PCDHGA9: variants seen among roughly 807,000 people sequenced by gnomAD.
PCDHGA9 encodes the protein protocadherin gamma-A9.
A neutral mutation model predicts 62.5 loss-of-function variants in PCDHGA9; 37 were observed. That is an observed-to-expected ratio of 0.59 (90% CI 0.46 to 0.78). The LOEUF (loss-of-function observed/expected upper bound fraction) is 0.78, where lower values mean the gene tolerates loss of function less well. Ranked by LOEUF, PCDHGA9 falls within the 30% of genes least tolerant of loss-of-function variation. PCDHGA9 has a pLI of 0.00. For missense variants in PCDHGA9, 1,138 were observed against 1,166.2 expected (o/e 0.98, Z 0.35); for synonymous variants, 459 against 484.6 (o/e 0.95, Z 0.69).
In PCDHGA9 at chr5:141,453,631, T is replaced by C. The variant is rs114710858; in HGVS notation, c.2425-41176T>C. On this transcript the variant is annotated intron_variant, in intron 1 of 3. Transcript: ENST00000573521. ...AACGCAAAAACAAAACCTATACATATTTATATTTTCTTATGTCCTCTTCTT... is the reference window on the plus strand; with the variant it reads ...AACGCAAAAACAAAACCTATACATACTTATATTTTCTTATGTCCTCTTCTT... Among the ~76,000 whole-genome samples the C allele has an allele frequency of 8.2e-3, 1,249 of 152,332 alleles. 7 individuals are homozygous for C. Among genetic ancestry groups the C allele is most frequent in the Non-Finnish European group, 0.013 (893 of 68,030 alleles).
At chr5:141,410,767 G>T in intron 1 of PCDHGA9, 6 of 942,270 alleles carry the variant, frequency 6.4e-6, no homozygotes, top group South Asian at 2.2e-5. Context: ...TTCAATTATA[G>T]TTTTCACTAT....
At chr5:141,481,860 G>A (rs1379910129) in intron 1 of PCDHGA9, among the ~76,000 whole-genome samples, 1 of 148,492 alleles carries the variant, frequency 6.7e-6, no homozygotes, top group Non-Finnish European at 1.5e-5. Context: ...GTTGCAGTGA[G>A]CCGAGATCGC....
chr5:141,469,517 G>A (rs1416478511), intron 1 of PCDHGA9, among the ~76,000 whole-genome samples: 1 of 152,198 alleles, frequency 6.6e-6, no homozygotes, highest in Non-Finnish European at 1.5e-5. Flanking sequence ...GGAGGTTGCA[G>A]TGAGCCAAGA....
rs1474849292 is a variant in PCDHGA9 at position 141,454,205 on chromosome 5, G to T, written c.2425-40602G>T. Among the ~76,000 whole-genome samples, 3 of 152,154 alleles carry T rather than the reference G, an allele frequency of 2.0e-5. No individual in the cohort carries two copies. The East Asian group carries it at 5.8e-4, about 29-fold the overall frequency. ...GGAGCTTAGTGAAGGTGAATTTATT[G>T]ACATGAATGAGAAAAGTAATTGTGA... On this transcript the variant is annotated intron_variant, in intron 1 of 3. Coordinates refer to ENST00000573521, the MANE Select transcript of PCDHGA9 (RefSeq NM_018921.3).
chr5:141,505,089 G>A (rs1562219081), intron 2 of PCDHGA9, among the ~76,000 whole-genome samples: 1 of 152,208 alleles, frequency 6.6e-6, no homozygotes, highest in Non-Finnish European at 1.5e-5. Context: ...TTGAACCCAG[G>A]AGGTGGATGT....
chr5:141,403,649 T>C lies in PCDHGA9; in HGVS notation c.697T>C (p.Leu233=). Residue 233 remains leucine (L), a synonymous_variant, in exon 1 of 4, where the codon TTG becomes CTG. Coordinates refer to ENST00000573521, the MANE Select transcript of PCDHGA9 (RefSeq NM_018921.3). ...CACAGTGCGCATCCATGTGACAGTG[T>C]TGGATACAAATGATAATGCCCCGGT... ...SSTVRIHVTV[L]DTNDNAPVFA... The C allele has an allele frequency of 6.2e-7, 1 of 1,613,874 alleles. No individual in the cohort carries two copies. The highest frequency in any genetic ancestry group is 8.5e-7 in the Non-Finnish European group (1 of 1,179,882).
chr5:141,498,578 G>T (rs1404493166), intron 2 of PCDHGA9, among the ~76,000 whole-genome samples: 1 of 152,048 alleles, frequency 6.6e-6, no homozygotes, highest in African/African-American at 2.4e-5. Flanking sequence ...CTAGTATTGA[G>T]TTCTTCAGTA....
At chr5:141,497,478 C>A (rs974494984) in intron 2 of PCDHGA9, among the ~76,000 whole-genome samples, 1 of 150,954 alleles carries the variant, frequency 6.6e-6, no homozygotes, top group African/African-American at 2.4e-5. Flanking sequence ...GGAGAAGGTG[C>A]GGAACCTCTC....
intron 3 of PCDHGA9, among the ~76,000 whole-genome samples, chr5:141,509,050 C>T (rs867585045): frequency 1.6e-4 from 25 of 152,304 alleles, no homozygotes; most frequent in Admixed American, 5.2e-4. Flanking sequence ...CCCCCGCCCC[C>T]AGAAAGCTCT....
intron 1 of PCDHGA9, chr5:141,424,513 T>C (rs1339689551): frequency 6.6e-6 from 1 of 152,224 alleles, no homozygotes; most frequent in Non-Finnish European, 1.5e-5. Context: ...GGTTTTTTAA[T>C]GTAGTAAATC....
intron 1 of PCDHGA9, chr5:141,408,622 A>C (rs1481022505): frequency 6.2e-7 from 1 of 1,614,070 alleles, no homozygotes; most frequent in Admixed American, 1.7e-5. Flanking sequence ...AAATACATTT[A>C]GAAATTTTCG....
Position 141,487,767 on chromosome 5 carries a change from T to G in PCDHGA9, c.2425-7040T>G, listed in dbSNP as rs2099665569. The G allele has an allele frequency of 5.2e-6, 8 of 1,538,298 alleles. No homozygotes were observed. The African/African-American group carries it at 9.6e-5, about 18-fold the overall frequency. On this transcript the variant is annotated intron_variant, in intron 1 of 3. Transcript: ENST00000573521. This position sits in a 1 kb window ranked among gnomAD's most constrained non-coding sequence, Gnocchi z 5.0. ...GGTAACTATGTGGTAGACGCTGTGC[T>G]TTGTAACTGTTTCGTGAATTAACCA... is the stretch of plus-strand genomic sequence containing the variant.
intron 1 of PCDHGA9, among the ~76,000 whole-genome samples, chr5:141,481,913 C>CAAAA (rs34114744): frequency 1.1e-5 from 1 of 90,846 alleles, no homozygotes; most frequent in African/African-American, 4.2e-5. Context: ...AACTCCATCT[C>CAAAA]AAAAAAAAAA....
At chr5:141,510,810 A>G (rs1455434913) in intron 3 of PCDHGA9, 137 bp from the exon 4 acceptor site, 19 of 1,519,650 alleles carry the variant, frequency 1.3e-5, no homozygotes, top group Admixed American at 2.0e-5. Flanking sequence ...TACCTTGGTG[A>G]CCCCTATATT....
At chr5:141,427,120 TC>T (rs1212765591) in intron 1 of PCDHGA9, 1 of 457,342 alleles carries the variant, frequency 2.2e-6, no homozygotes, top group African/African-American at 2.0e-5. Context: ...ACCTACTCTT[TC>T]AAATCCCTAC....
In PCDHGA9 at chr5:141,432,654, T is replaced by C. The variant is rs2097525297; in HGVS notation, c.2424+27278T>C. ...GGCGAGGTGCGCACGGCGCGAGCCC[T>C]GCTGGACAGAGACGCGCTCAAGCAG... is the stretch of plus-strand genomic sequence containing the variant. On this transcript the variant is annotated intron_variant, in intron 1 of 3. Transcript: ENST00000573521. This position sits in a 1 kb window ranked among gnomAD's most constrained non-coding sequence, Gnocchi z 6.0. The C allele has an allele frequency of 1.2e-6, 2 of 1,613,816 alleles. No homozygotes were observed. Among genetic ancestry groups the C allele is most frequent in the African/African-American group, 1.3e-5 (1 of 75,034 alleles).
intron 1 of PCDHGA9, among the ~76,000 whole-genome samples, chr5:141,463,570 T>A (rs557041487): frequency 2.7e-5 from 4 of 146,586 alleles, no homozygotes; most frequent in Middle Eastern, 3.5e-3. Context: ...TGCCTCAGCC[T>A]CCCGAGTAGC....
At chr5:141,494,183 G>A (rs971032835) in intron 1 of PCDHGA9, among the ~76,000 whole-genome samples, 2 of 152,146 alleles carry the variant, frequency 1.3e-5, no homozygotes, top group Non-Finnish European at 2.9e-5. Context: ...GAAGTGTCCC[G>A]GGACTTGGAT....
In PCDHGA9 at chr5:141,491,169, G is replaced by A. The variant is rs374498014; in HGVS notation, c.2425-3638G>A. The A allele has an allele frequency of 1.2e-6, 2 of 1,614,192 alleles. No homozygotes were observed. Among genetic ancestry groups the A allele is most frequent in the African/African-American group, 1.3e-5 (1 of 75,058 alleles). On this transcript the variant is annotated intron_variant, in intron 1 of 3. Transcript: ENST00000573521. The surrounding 1 kb of genome is among the most constrained non-coding windows in gnomAD (Gnocchi z 6.9). ...TGGAGGATGACTCTGACACCCAGCA[G>A]GTGGTGGTCCTGGTGAGGGACAATG...
Sources: allele counts gnomAD v4.1 joint callset (sites outside exome capture counted in the v4.1 genomes callset), GRCh38; gene constraint gnomAD v4.1.1; non-coding constraint Gnocchi (gnomAD v3.1); transcripts MANE v1.5; gene names NCBI Gene and HGNC (gene_info 2026-07-23, HGNC 2026-07-21).